Variants in SLIT2 observed in about 807,000 individuals in gnomAD.
SLIT2 encodes the protein slit homolog 2 protein.
A neutral mutation model predicts 185.7 loss-of-function variants in SLIT2; 41 were observed. That is an observed-to-expected ratio of 0.22 (90% CI 0.17 to 0.29). The LOEUF (loss-of-function observed/expected upper bound fraction) is 0.29. SLIT2 is among the 10% of genes least tolerant of loss of function. SLIT2 has a pLI of 1.00. For synonymous variants in SLIT2, 693 were observed against 680.2 expected (o/e 1.02, Z -0.29); for missense variants, 1,571 against 1,909.0 (o/e 0.82, Z 3.30).
At chr4:20,485,578 A>T (rs1402182134) in intron 6 of SLIT2, among the ~76,000 whole-genome samples, 1 of 152,154 alleles carries the variant, frequency 6.6e-6, no homozygotes, top group Non-Finnish European at 1.5e-5. Context: ...TGCAACTAAA[A>T]ACCATTAGAA....
intron 9 of SLIT2, among the ~76,000 whole-genome samples, chr4:20,494,488 A>G (rs1718049504): frequency 6.6e-6 from 1 of 152,200 alleles, no homozygotes; most frequent in African/African-American, 2.4e-5. Context: ...TATAAGTACA[A>G]AAATTGGGCT....
chr4:20,572,445 G>A (rs1725688439), intron 29 of SLIT2, among the ~76,000 whole-genome samples: 1 of 152,038 alleles, frequency 6.6e-6, no homozygotes, highest in Admixed American at 6.5e-5. Context: ...GAATTTTGTT[G>A]ATTTTGATTT....
rs1311038236 is a variant in SLIT2 at position 20,516,326 on chromosome 4, ATATGTATATTGTACACATATAATAGTACG to A, written c.1059-3046_1059-3018del. On this transcript the variant is annotated intron_variant, in intron 11 of 36. Transcript: ENST00000504154. ...ACAACAAAAAAATCTCTATCAGAGTATATGTATATTGTACACATATAATAGTACGTATGTATATACTATCTATGTGGTAT... is the reference window on the plus strand; with the variant it reads ...ACAACAAAAAAATCTCTATCAGAGTATATGTATATACTATCTATGTGGTAT... Among the ~76,000 whole-genome samples, 1,316 of 152,352 alleles carry A rather than the reference ATATGTATATTGTACACATATAATAGTACG, an allele frequency of 8.6e-3. 17 individuals carry two copies. The highest frequency in any genetic ancestry group is 0.03 in the African/African-American group (1,251 of 41,570).
At chr4:20,315,828 G>A (rs1008357216) in intron 4 of SLIT2, among the ~76,000 whole-genome samples, 1 of 151,882 alleles carries the variant, frequency 6.6e-6, no homozygotes, top group Admixed American at 6.6e-5. Flanking sequence ...ATAGCCATGG[G>A]CTTTTAATAC....
intron 26 of SLIT2, among the ~76,000 whole-genome samples, chr4:20,566,799 T>A (rs1347175758): frequency 1.3e-5 from 2 of 152,042 alleles, no homozygotes; most frequent in East Asian, 3.9e-4. Context: ...GCAGGTGCAT[T>A]GTATTGTGTA....
intron 4 of SLIT2, among the ~76,000 whole-genome samples, chr4:20,294,667 C>T (rs183245156): frequency 9.9e-5 from 15 of 152,170 alleles, no homozygotes; most frequent in South Asian, 8.3e-4. Context: ...TTTTAATTTA[C>T]ACATGTAAAA....
At chr4:20,255,179 G>GC (rs1396916920) in intron 1 of SLIT2, 12 of 390,362 alleles carry the variant, frequency 3.1e-5, no homozygotes, top group Non-Finnish European at 5.5e-5. Flanking sequence ...CGGCCTCTTT[G>GC]CCCCCGGGGT....
chr4:20,373,970 T>C (rs1723802660), intron 4 of SLIT2, among the ~76,000 whole-genome samples: 1 of 152,072 alleles, frequency 6.6e-6, no homozygotes, highest in African/African-American at 2.4e-5. Flanking sequence ...TGATATTTTG[T>C]CTCTTAGAAA....
At chr4:20,492,401 G>A (rs762734028) in intron 9 of SLIT2, among the ~76,000 whole-genome samples, 107 of 152,312 alleles carry the variant, frequency 7.0e-4, no homozygotes, top group Admixed American at 2.2e-3. Context: ...TTTTTATATA[G>A]TGCATGTTTT....
At chr4:20,480,665 C>G (rs777199651) in intron 5 of SLIT2, 51 bp from the exon 6 acceptor site, 2 of 1,411,228 alleles carry the variant, frequency 1.4e-6, no homozygotes, top group African/African-American at 1.4e-5. Flanking sequence ...CATCACCTAC[C>G]CCAGCTACTG....
chr4:20,351,240 A>T (rs999794115), intron 4 of SLIT2, among the ~76,000 whole-genome samples: 2 of 151,686 alleles, frequency 1.3e-5, no homozygotes, highest in Non-Finnish European at 2.9e-5. Flanking sequence ...GTAGAAACGG[A>T]GTTTTGCCAT....
intron 33 of SLIT2, among the ~76,000 whole-genome samples, chr4:20,607,044 C>T (rs1431443388): frequency 6.6e-6 from 1 of 152,188 alleles, no homozygotes; most frequent in Non-Finnish European, 1.5e-5. Context: ...GATGTGTCAC[C>T]TTGGATGTCC....
At chr4:20,491,422 T>C (rs186080470) in intron 8 of SLIT2, among the ~76,000 whole-genome samples, 180 of 152,328 alleles carry the variant, frequency 1.2e-3, no homozygotes, top group Non-Finnish European at 1.7e-3. Context: ...GGAATGAAGA[T>C]AAATTAGTCT....
Position 20,567,401 on chromosome 4 carries a change from T to G in SLIT2, c.2850+15T>G. On this transcript the variant is annotated intron_variant, in intron 27 of 36. Coordinates refer to ENST00000504154, the MANE Select transcript of SLIT2 (RefSeq NM_004787.4). ...ATGGTTTCAAGGTAAGTAAAAGCAC[T>G]TTAAGAGTCACAGTTTGAGAGCATA... is the stretch of plus-strand genomic sequence containing the variant. 6.2e-7 allele frequency: 1 copy of G among 1,613,186 alleles called. No homozygotes were observed. The highest frequency in any genetic ancestry group is 8.5e-7 in the Non-Finnish European group (1 of 1,179,382).
At chr4:20,386,050 C>G (rs188662835) in intron 4 of SLIT2, among the ~76,000 whole-genome samples, 1 of 152,202 alleles carries the variant, frequency 6.6e-6, no homozygotes. Context: ...AAGCAAAATA[C>G]ACTTTCACCT....
intron 4 of SLIT2, among the ~76,000 whole-genome samples, chr4:20,379,192 C>T (rs1341945649): frequency 6.6e-6 from 1 of 152,048 alleles, no homozygotes; most frequent in African/African-American, 2.4e-5. Context: ...ACATAAGACT[C>T]ATCAGTTGTA....
At chr4:20,543,273 C>A (rs557647863) in intron 21 of SLIT2, among the ~76,000 whole-genome samples, 106 of 152,176 alleles carry the variant, frequency 7.0e-4, no homozygotes, top group Non-Finnish European at 3.5e-4. Flanking sequence ...TATTTAACCA[C>A]AAATTATATG....
At chr4:20,494,809 G>A (rs1394086358) in intron 9 of SLIT2, among the ~76,000 whole-genome samples, 1 of 151,160 alleles carries the variant, frequency 6.6e-6, no homozygotes, top group African/African-American at 2.4e-5. Context: ...AAATAATACA[G>A]ACTATAATAA....
intron 6 of SLIT2, among the ~76,000 whole-genome samples, chr4:20,483,159 A>T (rs1246906483): frequency 1.3e-5 from 2 of 152,050 alleles, no homozygotes; most frequent in African/African-American, 2.4e-5. Context: ...TAGATTTTTT[A>T]AAATTTTAAT....
Sources: allele counts gnomAD v4.1 joint callset (sites outside exome capture counted in the v4.1 genomes callset), GRCh38; gene constraint gnomAD v4.1.1; transcripts MANE v1.5; gene names NCBI Gene and HGNC (gene_info 2026-07-23, HGNC 2026-07-21).